The following SAA4 variants were observed in gnomAD, a reference collection of about 807,000 sequenced individuals.
SAA4 encodes the protein serum amyloid A4, constitutive.
Under a neutral mutation model 11.2 loss-of-function variants are expected in SAA4, and 8 were observed. The ratio of observed to expected loss-of-function variants is 0.71; its 90% CI spans 0.42 to 1.29. The LOEUF (loss-of-function observed/expected upper bound fraction) is 1.29. SAA4 is among the 50% of genes most tolerant of loss of function. The pLI is 0.01. For missense variants in SAA4, 171 were observed against 164.2 expected (o/e 1.04, Z -0.23); for synonymous variants, 60 against 56.2 (o/e 1.07, Z -0.30).
At chr11:18,233,977 G>C (rs1857174296) in intron 2 of SAA4, among the ~76,000 whole-genome samples, 1 of 152,124 alleles carries the variant, frequency 6.6e-6, no homozygotes, top group Admixed American at 6.5e-5. Context: ...TAAAGTACAT[G>C]TACACCAATG....
intron 2 of SAA4, among the ~76,000 whole-genome samples, chr11:18,233,817 C>G (rs553182139): frequency 1.3e-5 from 2 of 151,858 alleles, no homozygotes; most frequent in African/African-American, 4.8e-5. Context: ...GCCCAGCTCT[C>G]GTAATTGTTC....
rs1340757229 is a variant in SAA4, at chr11:18,231,466, C to T, written c.*36G>A. ...TCTGGGGGGAGAAGTGTGTGGCTCA[C>T]AGCCCAGTTTCCCTGAGAGCAGAGG... On this transcript the variant is annotated 3_prime_UTR_variant, in exon 4 of 4. Coordinates refer to ENST00000278222, the MANE Select transcript of SAA4 (RefSeq NM_006512.4). The T allele has an allele frequency of 1.9e-6, 3 of 1,598,194 alleles. No homozygotes were observed. Among genetic ancestry groups the T allele is most frequent in the Non-Finnish European group, 2.6e-6 (3 of 1,173,836 alleles).
At chr11:18,236,612 G>A (rs901395029) in intron 1 of SAA4, 105 bp downstream of exon 1, 1 of 152,190 alleles carries the variant, frequency 6.6e-6, no homozygotes, top group Non-Finnish European at 1.5e-5. Context: ...ACCCCGTAAT[G>A]AGGTAGAAAA....
chr11:18,232,303 T>C, intron 3 of SAA4, 92 bp downstream of exon 3: 1 of 1,539,314 alleles, frequency 6.5e-7, no homozygotes, highest in Non-Finnish European at 8.8e-7. Flanking sequence ...CAGGAGTATG[T>C]GGAGGAGGGG....
intron 2 of SAA4, 119 bp downstream of exon 2, chr11:18,235,717 C>A (rs1293800716): frequency 6.3e-6 from 6 of 958,152 alleles, no homozygotes; most frequent in Admixed American, 2.5e-5. Context: ...ATACAGAAAA[C>A]CACACTCCTG....
intron 3 of SAA4, 21 bp from the exon 4 acceptor site, chr11:18,231,685 A>G (rs959774032): frequency 6.2e-7 from 1 of 1,601,896 alleles, no homozygotes; most frequent in Non-Finnish European, 8.5e-7. Context: ...AAGAAAGGAG[A>G]CAGGAGATTA....
intron 2 of SAA4, 77 bp downstream of exon 2, chr11:18,235,759 A>G (rs1857199119): frequency 7.1e-7 from 1 of 1,407,328 alleles, no homozygotes; most frequent in Non-Finnish European, 9.9e-7. Context: ...TCTAAGGAGC[A>G]CTCACATCCA....
At chr11:18,236,508 C>A (rs139514117) in intron 1 of SAA4, among the ~76,000 whole-genome samples, 81 of 152,252 alleles carry the variant, frequency 5.3e-4, no homozygotes, top group African/African-American at 1.9e-3. Flanking sequence ...AGGATTCCAA[C>A]GTGTTATTTG....
chr11:18,236,063 TCCCTTTCTTTCTTTC>T, intron 1 of SAA4, 133 bp from the exon 2 acceptor site: 8 of 932,944 alleles, frequency 8.6e-6, no homozygotes, highest in Non-Finnish European at 1.3e-5. Context: ...CTTTCTTTCC[TCCCTTTCTTTCTTTC>T]TTTTTTTTTT....
At chr11:18,235,267 A>G (rs1263292578) in intron 2 of SAA4, among the ~76,000 whole-genome samples, 3 of 152,224 alleles carry the variant, frequency 2.0e-5, no homozygotes, top group African/African-American at 7.2e-5. Flanking sequence ...CAGCTAGTCA[A>G]TAAGATTCGT....
intron 1 of SAA4, 103 bp from the exon 2 acceptor site, chr11:18,236,033 T>A (rs528429243): frequency 8.7e-7 from 1 of 1,147,922 alleles, no homozygotes; most frequent in Non-Finnish European, 1.2e-6. Flanking sequence ...TTTTTCCTTT[T>A]CTTTCTTTCT....
intron 2 of SAA4, among the ~76,000 whole-genome samples, chr11:18,233,877 C>T (rs1039469430): frequency 6.6e-6 from 1 of 152,026 alleles, no homozygotes; most frequent in African/African-American, 2.4e-5. Context: ...CTGGTATCTA[C>T]GAAAGCTAAA....
At chr11:18,232,651 T>C (rs1857152792) in intron 2 of SAA4, 118 bp from the exon 3 acceptor site, 5 of 1,422,938 alleles carry the variant, frequency 3.5e-6, no homozygotes, top group South Asian at 1.4e-5. Flanking sequence ...TTTGAAATCA[T>C]ACGTGGAGAT....
Position 18,236,020 on chromosome 11 carries a change from CT to C in SAA4, c.-4-91del, listed in dbSNP as rs965675108. ...CTGAATTTCTTTCCTTTTTTTCTTTCTTTTTTTCCTTTTCTTTCTTTCTCCT... is the reference window on the plus strand; with the variant it reads ...CTGAATTTCTTTCCTTTTTTTCTTTCTTTTTTCCTTTTCTTTCTTTCTCCT... On this transcript the variant is annotated intron_variant, in intron 1 of 3. Coordinates refer to ENST00000278222, the MANE Select transcript of SAA4 (RefSeq NM_006512.4). 70 of 1,250,482 alleles carry C rather than the reference CT, an allele frequency of 5.6e-5. No homozygotes were observed. In the Admixed American group the frequency reaches 1.6e-3, roughly 29 times the overall value. 77.5% of individuals were successfully genotyped at this position (1,250,482 alleles called of 1,614,324 possible).
intron 2 of SAA4, among the ~76,000 whole-genome samples, chr11:18,234,042 A>G (rs915132641): frequency 6.6e-6 from 1 of 152,212 alleles, no homozygotes. Flanking sequence ...TAATTATCCA[A>G]TAATGTAGGA....
At chr11:18,234,386 C>T (rs577977208) in intron 2 of SAA4, among the ~76,000 whole-genome samples, 2 of 152,280 alleles carry the variant, frequency 1.3e-5, no homozygotes, top group African/African-American at 4.8e-5. Context: ...AAAACCTCAT[C>T]AAGCTATACT....
chr11:18,232,654 G>A lies in SAA4; in HGVS notation c.92-121C>T, dbSNP rs59673240. The A allele has an allele frequency of 7.9e-5, 112 of 1,417,750 alleles. No individual in the cohort carries two copies. In the East Asian group the frequency reaches 1.5e-3, roughly 19 times the overall value. 87.8% of individuals were successfully genotyped at this position (1,417,750 alleles called of 1,614,324 possible). ...ACAAAATAATCCTTTGAAATCATAC[G>A]TGGAGATAAACATTACTTCCTGTGA... On this transcript the variant is annotated intron_variant, in intron 2 of 3. Coordinates refer to ENST00000278222, the MANE Select transcript of SAA4 (RefSeq NM_006512.4).
rs1490166399 is a variant in SAA4 at position 18,235,932 on chromosome 11, T to C, written c.-4-2A>G. On this transcript the variant is annotated splice_acceptor_variant, in intron 1 of 3. Coordinates refer to ENST00000278222, the MANE Select transcript of SAA4 (RefSeq NM_006512.4). LOFTEE classifies it low-confidence loss of function (5UTR_SPLICE). ...ATGCCTGTGAAAAGCCTCATTGTGCTGAAGAGAAAGAAAGACAGGGGCAGA... is the reference window on the plus strand; with the variant it reads ...ATGCCTGTGAAAAGCCTCATTGTGCCGAAGAGAAAGAAAGACAGGGGCAGA... 2 of 1,608,530 alleles carry C rather than the reference T, an allele frequency of 1.2e-6. No individual in the cohort carries two copies. The highest frequency in any genetic ancestry group is 1.7e-6 in the Non-Finnish European group (2 of 1,177,364).
At chr11:18,236,286 T>C (rs1463699417) in intron 1 of SAA4, among the ~76,000 whole-genome samples, 2 of 150,590 alleles carry the variant, frequency 1.3e-5, no homozygotes, top group East Asian at 3.9e-4. Context: ...CAGGCTAGTC[T>C]CGAACTCCTG....
Sources: gnomAD v4.1 joint callset for allele counts (sites outside exome capture counted in the v4.1 genomes callset) on GRCh38, gnomAD v4.1.1 for gene constraint, MANE v1.5 for transcripts, NCBI Gene and HGNC (gene_info 2026-07-23, HGNC 2026-07-21) for gene names.